FRAS1: variants seen among roughly 807,000 people sequenced by gnomAD.
The protein encoded by FRAS1 is extracellular matrix organizing protein FRAS1.
A neutral mutation model predicts 435.2 loss-of-function variants in FRAS1; 290 were observed. The ratio of observed to expected loss-of-function variants is 0.67; its 90% CI spans 0.61 to 0.73. FRAS1 has a LOEUF of 0.73. Among genes scored for constraint, FRAS1 ranks in the 30% least tolerant of loss-of-function variants. The pLI, the probability that FRAS1 is intolerant of heterozygous loss-of-function variation, is 0.00. For missense variants in FRAS1, 4,860 were observed against 5,001.5 expected, an observed-to-expected ratio of 0.97 and a Z score of 0.85; for synonymous variants, 1,800 against 1,851.0, an observed-to-expected ratio of 0.97 and a Z score of 0.71.
chr4:78,258,339 CAAAAAAAAA>C (rs33932507), intron 6 of FRAS1, among the ~76,000 whole-genome samples: 1 of 139,910 alleles, frequency 7.1e-6, no homozygotes, highest in Non-Finnish European at 1.5e-5. Context: ...AGACCTGTAT[CAAAAAAAAA>C]AAAAAAAGAA....
intron 3 of FRAS1, among the ~76,000 whole-genome samples, chr4:78,242,907 C>CTATATCTATATCT (rs1276641676): frequency 2.7e-4 from 41 of 152,064 alleles, no homozygotes; most frequent in Non-Finnish European, 5.3e-4. Flanking sequence ...ATTCTATATC[C>CTATATCTATATCT]GTATCTTATA....
chr4:78,220,431 G>A (rs939648204), intron 2 of FRAS1, among the ~76,000 whole-genome samples: 2 of 152,142 alleles, frequency 1.3e-5, no homozygotes, highest in Admixed American at 6.6e-5. Flanking sequence ...TCTCTACAAC[G>A]TTGACAAAGT....
At chr4:78,305,686 C>G (rs1007146437) in intron 14 of FRAS1, among the ~76,000 whole-genome samples, 8 of 151,058 alleles carry the variant, frequency 5.3e-5, no homozygotes, top group Admixed American at 4.0e-4. Flanking sequence ...GATTGCAACC[C>G]CTGCCTTTTT....
chr4:78,171,973 C>T (rs1204822274), intron 2 of FRAS1, among the ~76,000 whole-genome samples: 1 of 152,122 alleles, frequency 6.6e-6, no homozygotes, highest in African/African-American at 2.4e-5. Context: ...TTCCTCATGT[C>T]ATTTCTCAAG....
chr4:78,086,825 G>A (rs1258513507), intron 2 of FRAS1, among the ~76,000 whole-genome samples: 2 of 152,112 alleles, frequency 1.3e-5, no homozygotes, highest in Non-Finnish European at 2.9e-5. Context: ...TGGATTCACA[G>A]CCGAATTCTA....
intron 2 of FRAS1, among the ~76,000 whole-genome samples, chr4:78,142,604 C>A (rs1720242050): frequency 6.6e-6 from 1 of 151,924 alleles, no homozygotes; most frequent in Non-Finnish European, 1.5e-5. Flanking sequence ...CTCAGAGATA[C>A]AGGAAAGGAC....
chr4:78,387,167 A>G (rs1325632573), intron 28 of FRAS1, among the ~76,000 whole-genome samples: 1 of 152,206 alleles, frequency 6.6e-6, no homozygotes, highest in Non-Finnish European at 1.5e-5. Flanking sequence ...ATAAACCTCT[A>G]GAACCCAGAG....
chr4:78,511,237 G>A lies in FRAS1; in HGVS notation c.9781-37G>A, dbSNP rs767353890. 3.4e-6 allele frequency: 5 copies of A among 1,481,226 alleles called. No individual in the cohort carries two copies. In the South Asian group the frequency reaches 5.2e-5, roughly 15 times the overall value. The allele number at this position is 1,481,226 out of a possible 1,614,324, so 91.8% of individuals were successfully genotyped here. A position where few individuals can be genotyped will look rare whatever the true frequency, so the allele number is the denominator to read the frequency against. On this transcript the variant is annotated intron_variant, in intron 63 of 73. Coordinates refer to ENST00000512123, the MANE Select transcript of FRAS1 (RefSeq NM_025074.7). ...ATCATGTAAGGAGCTGTTTAAGTAG[G>A]GTACTCACATTGGAGGTGATTTTTT...
chr4:78,540,820 C>A lies in FRAS1; in HGVS notation c.11735C>A (p.Ala3912Glu), dbSNP rs1722026581. ...TGASIGSALAAIMLLLLVFLV... is the reference protein window; with the variant it reads ...TGASIGSALAEIMLLLLVFLV... ...GCGTCCATTGGCAGTGCCCTGGCTGCAATCATGCTTCTACTTCTGGTGTTT... is the reference window on the plus strand; with the variant it reads ...GCGTCCATTGGCAGTGCCCTGGCTGAAATCATGCTTCTACTTCTGGTGTTT... Residue 3912 changes from alanine (A) to glutamate (E), a missense_variant, in exon 74 of 74, where the codon GCA (alanine) becomes GAA (glutamate). Coordinates refer to ENST00000512123, the MANE Select transcript of FRAS1 (RefSeq NM_025074.7). 6.2e-7 allele frequency: 1 copy of A among 1,613,850 alleles called. No individual in the cohort carries two copies. The highest frequency in any genetic ancestry group is 1.3e-5 in the African/African-American group (1 of 74,914).
At chr4:78,100,822 A>G (rs1475316035) in intron 2 of FRAS1, among the ~76,000 whole-genome samples, 1 of 152,182 alleles carries the variant, frequency 6.6e-6, no homozygotes, top group Non-Finnish European at 1.5e-5. Flanking sequence ...TCCCTATTTT[A>G]CAATCAAGGA....
chr4:78,213,398 T>A (rs1723602339), intron 2 of FRAS1, among the ~76,000 whole-genome samples: 2 of 152,266 alleles, frequency 1.3e-5, no homozygotes, highest in Non-Finnish European at 2.9e-5. Context: ...TCCATTGACT[T>A]GGCCGTTGGC....
intron 29 of FRAS1, among the ~76,000 whole-genome samples, chr4:78,388,092 G>C (rs918046974): frequency 6.6e-6 from 1 of 152,150 alleles, no homozygotes. Context: ...TTGGGAGGCT[G>C]AGGTGGGTGG....
chr4:78,122,662 C>T (rs947399187), intron 2 of FRAS1, among the ~76,000 whole-genome samples: 6 of 151,922 alleles, frequency 3.9e-5, no homozygotes, highest in Non-Finnish European at 5.9e-5. Context: ...TTTTAATGAT[C>T]GCCATTCTAA....
At chr4:78,222,045 G>A (rs970812943) in intron 2 of FRAS1, among the ~76,000 whole-genome samples, 1 of 152,130 alleles carries the variant, frequency 6.6e-6, no homozygotes, top group African/African-American at 2.4e-5. Flanking sequence ...GAAGAATACA[G>A]GTGAGCAGGG....
chr4:78,438,633 C>G lies in FRAS1; in HGVS notation c.5281C>G (p.Leu1761Val). Reference sequence around the variant, plus strand: ...AAATTATCTGCCCTCATATGGTACTCTCTTAAGAATCTCAGGATCTGAGGT... The same window carrying G: ...AAATTATCTGCCCTCATATGGTACTGTCTTAAGAATCTCAGGATCTGAGGT... The part of the protein sequence containing the change: ...QLNYLPSYGT[L>V]LRISGSEVEE... The change falls in exon 39 of 74, where the codon CTC (leucine) becomes GTC (valine). Residue 1761 changes from leucine (L) to valine (V), a missense_variant. Transcript: ENST00000512123. 6.2e-7 allele frequency: 1 copy of G among 1,613,636 alleles called. No homozygotes were observed. Among genetic ancestry groups the G allele is most frequent in the South Asian group, 1.1e-5 (1 of 91,040 alleles).
At chr4:78,502,905 T>C (rs959614681) in intron 61 of FRAS1, among the ~76,000 whole-genome samples, 4 of 152,210 alleles carry the variant, frequency 2.6e-5, no homozygotes, top group African/African-American at 9.7e-5. Context: ...ACCTAGTTTA[T>C]TGAGAGTTTT....
At chr4:78,204,373 T>C (rs1363895004) in intron 2 of FRAS1, among the ~76,000 whole-genome samples, 1 of 152,216 alleles carries the variant, frequency 6.6e-6, no homozygotes, top group Non-Finnish European at 1.5e-5. Context: ...TATAGAACTG[T>C]CAGGGAAAGA....
At position 78,477,889 on chromosome 4, in the gene FRAS1, T is replaced by C; in HGVS notation, c.7926T>C (p.Val2642=). The C allele has an allele frequency of 8.1e-6, 13 of 1,613,592 alleles. No individual in the cohort carries two copies. Among genetic ancestry groups the C allele is most frequent in the Non-Finnish European group, 1.1e-5 (13 of 1,179,756 alleles). Residue 2642 remains valine, a synonymous_variant, in exon 55 of 74, where the codon GTT becomes GTC. Coordinates refer to ENST00000512123, the MANE Select transcript of FRAS1 (RefSeq NM_025074.7). The part of the protein sequence containing the change: ...VINDDDVFEN[V]ESFTVELSMP... ...ACGATGATGACGTGTTTGAAAATGT[T>C]GAGAGTTTCACTGTGGAGCTCAGCA...
rs1179864817 is a variant in FRAS1, at chr4:78,519,322, C to T, written c.10390-9C>T. On this transcript the variant is annotated splice_polypyrimidine_tract_variant and intron_variant, in intron 66 of 73. Coordinates refer to ENST00000512123, the MANE Select transcript of FRAS1 (RefSeq NM_025074.7). ...AAATAACTCTGTGTGCATACTGCTT[C>T]CTCGGCAGGTGAGGGACTCTGCCCA... 1.3e-6 allele frequency: 2 copies of T among 1,519,842 alleles called. No individual in the cohort carries two copies. Among genetic ancestry groups the T allele is most frequent in the Admixed American group, 2.4e-5 (1 of 41,536 alleles). 94.1% of individuals were successfully genotyped at this position (1,519,842 alleles called of 1,614,324 possible).
Sources: gnomAD v4.1 joint callset for allele counts (sites outside exome capture counted in the v4.1 genomes callset) on GRCh38, gnomAD v4.1.1 for gene constraint, MANE v1.5 for transcripts, NCBI Gene and HGNC (gene_info 2026-07-23, HGNC 2026-07-21) for gene names.